FKBP5: variants seen among roughly 807,000 people sequenced by gnomAD.
FKBP5 encodes FKBP prolyl isomerase 5.
In FKBP5, 23 loss-of-function variants were observed where a neutral mutation model predicts 50.5. That is an observed-to-expected ratio of 0.46 (90% CI 0.33 to 0.65). The LOEUF is 0.65. FKBP5 is among the 30% of genes least tolerant of loss of function. The pLI is 0.02. For missense variants in FKBP5, 411 were observed against 553.1 expected, an observed-to-expected ratio of 0.74 and a Z score of 2.58; for synonymous variants, 176 against 190.6, an observed-to-expected ratio of 0.92 and a Z score of 0.63.
chr6:35,619,034 C>A (rs1461886614), intron 5 of FKBP5, 62 bp downstream of exon 5: 3 of 1,062,888 alleles, frequency 2.8e-6, no homozygotes, highest in Non-Finnish European at 4.4e-6. Flanking sequence ...TTTAAGTCTC[C>A]ATTTCGTCCA....
intron 5 of FKBP5, among the ~76,000 whole-genome samples, chr6:35,611,009 C>G (rs529412736): frequency 6.6e-6 from 1 of 152,320 alleles, no homozygotes; most frequent in South Asian, 2.1e-4. Context: ...GCTGCATAGC[C>G]TGCTTGGGCT....
chr6:35,586,717 G>A, intron 8 of FKBP5: 1 of 1,171,426 alleles, frequency 8.5e-7, no homozygotes. Context: ...AACACTTGTT[G>A]AGTGCCAACT....
Position 35,575,946 on chromosome 6 carries a change from A to G in FKBP5, c.1267-4T>C. On this transcript the variant is annotated splice_region_variant and splice_polypyrimidine_tract_variant and intron_variant, in intron 10 of 10. Transcript: ENST00000357266. Reference sequence around the variant, plus strand: ...CCATTGCTTTATTGGCCTCTTCCTAAGGAAGAAATAAGCAATCAAGAAGGT... The same window carrying G: ...CCATTGCTTTATTGGCCTCTTCCTAGGGAAGAAATAAGCAATCAAGAAGGT... The G allele has an allele frequency of 6.3e-7, 1 of 1,584,310 alleles. No homozygotes were observed. The highest frequency in any genetic ancestry group is 2.2e-5 in the East Asian group (1 of 44,718).
At chr6:35,696,072 G>A (rs190229321) in intron 2 of FKBP5, among the ~76,000 whole-genome samples, 361 of 147,892 alleles carry the variant, frequency 2.4e-3, no homozygotes, top group African/African-American at 8.5e-3. Flanking sequence ...GTGAACCCAG[G>A]AGGCGGAGCT....
intron 1 of FKBP5, among the ~76,000 whole-genome samples, chr6:35,727,850 T>C (rs1490726787): frequency 2.6e-5 from 4 of 152,138 alleles, no homozygotes; most frequent in Non-Finnish European, 5.9e-5. Flanking sequence ...CCCCCAGCTG[T>C]GCTAATCCAG....
intron 5 of FKBP5, 78 bp downstream of exon 5, chr6:35,619,017 AT>A (rs1002848155): frequency 7.8e-4 from 721 of 924,302 alleles, no homozygotes; most frequent in Non-Finnish European, 9.6e-4. Flanking sequence ...TTCTACAAAC[AT>A]TTTTTTTTAA....
At chr6:35,632,484 A>C (rs1340308433) in intron 3 of FKBP5, among the ~76,000 whole-genome samples, 2 of 152,232 alleles carry the variant, frequency 1.3e-5, no homozygotes, top group African/African-American at 4.8e-5. Flanking sequence ...GATGGTGTAC[A>C]TTATCTTAAT....
At chr6:35,585,824 G>A in intron 8 of FKBP5, 7 of 985,232 alleles carry the variant, frequency 7.1e-6, no homozygotes, top group Non-Finnish European at 8.4e-6. Context: ...ACCCAATATT[G>A]TCTCAGCTCA....
At chr6:35,651,327 A>G (rs1764792607) in intron 1 of FKBP5, among the ~76,000 whole-genome samples, 1 of 152,236 alleles carries the variant, frequency 6.6e-6, no homozygotes, top group African/African-American at 2.4e-5. Flanking sequence ...TAGGGAAAAA[A>G]GATGAAACAT....
At chr6:35,617,907 C>T (rs574779711) in intron 5 of FKBP5, among the ~76,000 whole-genome samples, 3 of 152,120 alleles carry the variant, frequency 2.0e-5, no homozygotes, top group East Asian at 1.9e-4. Flanking sequence ...AATGAAGAAA[C>T]GGAATAGCTT....
Position 35,620,182 on chromosome 6 carries a change from A to G in FKBP5, c.343T>C (p.Ser115Pro), listed in dbSNP as rs200045200. 6.2e-7 allele frequency: 1 copy of G among 1,614,174 alleles called. No individual in the cohort carries two copies. The highest frequency in any genetic ancestry group is 1.7e-5 in the Admixed American group (1 of 60,010). ...GGAATTTTAGGGAGACTGCCAGCCG[A>G]GCCATATGCATATTCTGGTTTGCAC... is the stretch of plus-strand genomic sequence containing the variant. ...LLCKPEYAYG[S>P]AGSLPKIPSN... The change falls in exon 4 of 11, where the codon TCG (serine) becomes CCG (proline). Residue 115 changes from serine (S) to proline (P), a missense_variant. Transcript: ENST00000357266.
intron 1 of FKBP5, chr6:35,651,806 T>C: frequency 2.6e-6 from 1 of 378,980 alleles, no homozygotes; most frequent in South Asian, 4.8e-5. Flanking sequence ...TGCACAAAAT[T>C]ATTAAAAATA....
rs79154270 is a variant in FKBP5 at position 35,651,520 on chromosome 6, A to G, written c.-19-8677T>C. Among the ~76,000 whole-genome samples the G allele has an allele frequency of 1.6e-3, 248 of 152,298 alleles. 1 individual carries two copies. The highest frequency in any genetic ancestry group is 5.6e-3 in the African/African-American group (232 of 41,564). ...AGCTCAGGAGAGAAGTGTGGGTGAC[A>G]GTTATATGTTGGGGAGTCATCAGAT... On this transcript the variant is annotated intron_variant, in intron 1 of 10. Coordinates refer to ENST00000357266, the MANE Select transcript of FKBP5 (RefSeq NM_004117.4).
chr6:35,598,083 A>G (rs929232831), intron 5 of FKBP5, among the ~76,000 whole-genome samples: 1 of 152,190 alleles, frequency 6.6e-6, no homozygotes, highest in Non-Finnish European at 1.5e-5. Context: ...TAGGAGGTCA[A>G]TTTTGGGAGG....
At chr6:35,712,298 C>A (rs1386842993) in intron 2 of FKBP5, among the ~76,000 whole-genome samples, 1 of 151,984 alleles carries the variant, frequency 6.6e-6, no homozygotes, top group Non-Finnish European at 1.5e-5. Context: ...CTATTAAGGC[C>A]AACTCCATCA....
intron 1 of FKBP5, among the ~76,000 whole-genome samples, chr6:35,666,880 C>CA (rs548305701): frequency 1.5e-3 from 222 of 150,684 alleles, no homozygotes; most frequent in African/African-American, 4.9e-3. Flanking sequence ...GAGACTCTCT[C>CA]AAAAAAAAGA....
intron 3 of FKBP5, among the ~76,000 whole-genome samples, chr6:35,628,580 C>T (rs1206959296): frequency 1.3e-5 from 2 of 152,192 alleles, no homozygotes; most frequent in Non-Finnish European, 2.9e-5. Context: ...ATTTTAACTA[C>T]TTGCATATTC....
At chr6:35,697,815 T>C (rs915300454) in intron 2 of FKBP5, among the ~76,000 whole-genome samples, 7 of 152,202 alleles carry the variant, frequency 4.6e-5, no homozygotes, top group African/African-American at 1.7e-4. Context: ...TGGTAATGGT[T>C]GCACACATAT....
At chr6:35,701,234 T>C (rs560066274) in intron 2 of FKBP5, among the ~76,000 whole-genome samples, 2 of 147,434 alleles carry the variant, frequency 1.4e-5, no homozygotes, top group South Asian at 4.3e-4. Context: ...TTTGTTTTTG[T>C]TTTTTGTTTT....
Sources: gnomAD v4.1 joint callset for allele counts (sites outside exome capture counted in the v4.1 genomes callset) on GRCh38, gnomAD v4.1.1 for gene constraint, MANE v1.5 for transcripts, NCBI Gene and HGNC (gene_info 2026-07-23, HGNC 2026-07-21) for gene names.